Variants in TMEM30A observed in about 807,000 individuals in gnomAD.
The protein encoded by TMEM30A is cell cycle control protein 50A.
A neutral mutation model predicts 38.2 loss-of-function variants in TMEM30A; 24 were observed. The ratio of observed to expected loss-of-function variants is 0.63; its 90% CI spans 0.46 to 0.88. TMEM30A has a LOEUF of 0.88. TMEM30A is among the 40% of genes least tolerant of loss of function. The pLI is 0.00. For missense variants in TMEM30A, 370 were observed against 458.6 expected, an observed-to-expected ratio of 0.81 and a Z score of 1.77; for synonymous variants, 145 against 161.6, an observed-to-expected ratio of 0.90 and a Z score of 0.78.
chr6:75,283,835 A>G (rs377666221), intron 1 of TMEM30A, among the ~76,000 whole-genome samples: 11 of 152,328 alleles, frequency 7.2e-5, no homozygotes, highest in East Asian at 3.9e-4. Context: ...CACATTTGTC[A>G]TAAGTCCTCA....
intron 1 of TMEM30A, among the ~76,000 whole-genome samples, chr6:75,273,107 C>T (rs938508093): frequency 1.3e-5 from 2 of 152,162 alleles, no homozygotes; most frequent in African/African-American, 4.8e-5. Flanking sequence ...ACTCTCTGTA[C>T]GTCCCATCCA....
At chr6:75,256,332 T>C in intron 6 of TMEM30A, 37 bp from the exon 7 acceptor site, 1 of 1,536,038 alleles carries the variant, frequency 6.5e-7, no homozygotes, top group East Asian at 2.3e-5. Context: ...CATCTCTGGT[T>C]ACTTGATGTT....
intron 6 of TMEM30A, among the ~76,000 whole-genome samples, chr6:75,258,315 A>G (rs1027786778): frequency 6.6e-6 from 1 of 152,202 alleles, no homozygotes; most frequent in African/African-American, 2.4e-5. Context: ...GGAACAATAT[A>G]GCTAATAATA....
chr6:75,259,398 C>T lies in TMEM30A; in HGVS notation c.634G>A (p.Val212Met), dbSNP rs544711994. 1 of 1,613,474 alleles carries T rather than the reference C, an allele frequency of 6.2e-7. No individual in the cohort carries two copies. The highest frequency in any genetic ancestry group is 8.5e-7 in the Non-Finnish European group (1 of 1,179,744). Reference sequence around the variant, plus strand: ...CCTCCAGGGGGATTTCTGAATTTCACATTTTTATCTGTCCACCAAGCAATA... The same window carrying T: ...CCTCCAGGGGGATTTCTGAATTTCATATTTTTATCTGTCCACCAAGCAATA... ...KGIAWWTDKN[V>M]KFRNPPGGDN... The change falls in exon 5 of 7, where the codon GTG becomes ATG. Residue 212 changes from valine (V) to methionine (M), a missense_variant. Val to Met is a conservative substitution (Grantham distance 21, BLOSUM62 1). Coordinates refer to ENST00000230461, the MANE Select transcript of TMEM30A (RefSeq NM_018247.4).
chr6:75,260,858 A>G lies in TMEM30A; in HGVS notation c.507T>C (p.Ala169=), dbSNP rs1315168613. ...PYRRNEDKPI[A]PCGAIANSMF... is the part of the protein sequence containing the mutation. ...TGCTGTTGGCAATAGCTCCACAAGG[A>G]GCAATTGGTTTGTCTTCATTTCTTC... The change falls in exon 4 of 7, where the codon GCT becomes GCC. Residue 169 remains alanine, a synonymous_variant. Coordinates refer to ENST00000230461, the MANE Select transcript of TMEM30A (RefSeq NM_018247.4). 1 of 1,601,364 alleles carries G rather than the reference A, an allele frequency of 6.2e-7. No homozygotes were observed. The highest frequency in any genetic ancestry group is 8.5e-7 in the Non-Finnish European group (1 of 1,177,036).
chr6:75,256,995 T>G (rs1168040222), intron 6 of TMEM30A, among the ~76,000 whole-genome samples: 14 of 152,030 alleles, frequency 9.2e-5, no homozygotes. Flanking sequence ...TGCAAAAAGT[T>G]TACAACTTTT....
At chr6:75,280,623 A>C (rs920246594) in intron 1 of TMEM30A, among the ~76,000 whole-genome samples, 1 of 152,142 alleles carries the variant, frequency 6.6e-6, no homozygotes, top group Admixed American at 6.5e-5. Context: ...TTCCTGGGCC[A>C]CGCAAAACAT....
At chr6:75,280,392 G>A (rs1772336902) in intron 1 of TMEM30A, among the ~76,000 whole-genome samples, 1 of 152,108 alleles carries the variant, frequency 6.6e-6, no homozygotes, top group Non-Finnish European at 1.5e-5. Context: ...AAGATATTAG[G>A]TATGTAGGTT....
chr6:75,261,582 G>A (rs1298252436), intron 3 of TMEM30A, among the ~76,000 whole-genome samples: 2 of 152,178 alleles, frequency 1.3e-5, no homozygotes, highest in Non-Finnish European at 2.9e-5. Flanking sequence ...GCAGTTATGG[G>A]ATTCAACTAG....
intron 3 of TMEM30A, among the ~76,000 whole-genome samples, chr6:75,262,327 A>C (rs1204901588): frequency 6.6e-6 from 1 of 152,084 alleles, no homozygotes; most frequent in Non-Finnish European, 1.5e-5. Context: ...AGCCTGGGTG[A>C]CAAAGTCAAC....
At chr6:75,271,203 G>A (rs922522306) in intron 1 of TMEM30A, among the ~76,000 whole-genome samples, 2 of 151,812 alleles carry the variant, frequency 1.3e-5, no homozygotes, top group Non-Finnish European at 2.9e-5. Context: ...TCAAATCACT[G>A]TTTAGAATTA....
chr6:75,273,298 T>C (rs1016428779), intron 1 of TMEM30A, among the ~76,000 whole-genome samples: 2 of 152,110 alleles, frequency 1.3e-5, no homozygotes, highest in African/African-American at 2.4e-5. Context: ...AATATTTGCA[T>C]ATAAACAGAT....
At chr6:75,270,770 C>G (rs532263984) in intron 1 of TMEM30A, among the ~76,000 whole-genome samples, 1 of 152,288 alleles carries the variant, frequency 6.6e-6, no homozygotes, top group South Asian at 2.1e-4. Flanking sequence ...CTTAACAAAA[C>G]TTGGTTTTGT....
intron 1 of TMEM30A, among the ~76,000 whole-genome samples, chr6:75,276,189 C>T (rs113275414): frequency 1.1e-3 from 170 of 152,350 alleles, no homozygotes; most frequent in African/African-American, 4.0e-3. Flanking sequence ...CCAAACATCT[C>T]CTTTTACATC....
chr6:75,284,340 G>T (rs1366908269), intron 1 of TMEM30A, 62 bp downstream of exon 1: 2 of 1,504,034 alleles, frequency 1.3e-6, no homozygotes, highest in South Asian at 2.3e-5. Context: ...AAGAAGTGGA[G>T]TGGGCGCGTA....
intron 4 of TMEM30A, among the ~76,000 whole-genome samples, chr6:75,260,053 T>C (rs1382704969): frequency 6.6e-6 from 1 of 152,192 alleles, no homozygotes; most frequent in Non-Finnish European, 1.5e-5. Context: ...ATAAAACATA[T>C]TGCTAAAATT....
At chr6:75,259,548 C>CT (rs1235580259) in intron 4 of TMEM30A, 58 bp from the exon 5 acceptor site, 1 of 1,442,754 alleles carries the variant, frequency 6.9e-7, no homozygotes, top group Non-Finnish European at 9.3e-7. Flanking sequence ...ATAGCATCTG[C>CT]TTAACTCTAT....
Position 75,265,271 on chromosome 6 carries a change from C to G in TMEM30A, c.413G>C (p.Arg138Pro). The G allele has an allele frequency of 1.2e-6, 2 of 1,611,228 alleles. No homozygotes were observed. The highest frequency in any genetic ancestry group is 1.7e-6 in the Non-Finnish European group (2 of 1,178,478). ...YQNHRRYVKS[R>P]DDSQLNGDSS... ...ATCTCCATTTAGTTGACTATCATCTCGAGATTTCACGTAACGACGATGGTT... is the reference window on the plus strand; with the variant it reads ...ATCTCCATTTAGTTGACTATCATCTGGAGATTTCACGTAACGACGATGGTT... The change falls in exon 3 of 7, where the codon CGA becomes CCA. Residue 138 changes from arginine to proline, a missense_variant. Physicochemically the swap from Arg to Pro is moderately radical, Grantham distance 103. Coordinates refer to ENST00000230461, the MANE Select transcript of TMEM30A (RefSeq NM_018247.4).
chr6:75,257,791 T>C (rs1410265371), intron 6 of TMEM30A, among the ~76,000 whole-genome samples: 1 of 152,206 alleles, frequency 6.6e-6, no homozygotes, highest in Non-Finnish European at 1.5e-5. Flanking sequence ...CATTTACTAA[T>C]CCATTTTAAA....
Sources: gnomAD v4.1 joint callset for allele counts (sites outside exome capture counted in the v4.1 genomes callset) on GRCh38, gnomAD v4.1.1 for gene constraint, MANE v1.5 for transcripts, NCBI Gene and HGNC (gene_info 2026-07-23, HGNC 2026-07-21) for gene names.